The following ITPR2 variants were observed in gnomAD, a reference collection of about 807,000 sequenced individuals.
ITPR2 encodes the protein inositol 1,4,5-trisphosphate-gated calcium channel ITPR2.
In ITPR2, 207 loss-of-function variants were observed where a neutral mutation model predicts 317.1. The observed-to-expected ratio is 0.65, with a 90% confidence interval of 0.58 to 0.73. The LOEUF is 0.73. ITPR2 is among the 30% of genes least tolerant of loss of function. The probability of loss-of-function intolerance (pLI) is 0.00; values close to 1 mark genes in which losing one functional copy is unlikely to be tolerated. For synonymous variants in ITPR2, 1,156 were observed against 1,149.1 expected, an observed-to-expected ratio of 1.01 and a Z score of -0.12; for missense variants, 2,613 against 3,284.0, an observed-to-expected ratio of 0.80 and a Z score of 4.99.
At chr12:26,373,758 A>C (rs887044055) in intron 55 of ITPR2, 31 of 152,222 alleles carry the variant, frequency 2.0e-4, no homozygotes, top group African/African-American at 7.5e-4. Context: ...TAAAGCAAAA[A>C]ATATGTGCTT....
chr12:26,458,490 T>A (rs546994206), intron 45 of ITPR2, among the ~76,000 whole-genome samples: 184 of 152,300 alleles, frequency 1.2e-3, no homozygotes, highest in African/African-American at 4.3e-3. Context: ...TGTCACCACC[T>A]GCACCCAAAG....
At chr12:26,766,417 A>AT (rs1370280898) in intron 2 of ITPR2, among the ~76,000 whole-genome samples, 2 of 151,454 alleles carry the variant, frequency 1.3e-5, no homozygotes, top group African/African-American at 4.9e-5. Context: ...ATTTTTACGT[A>AT]TTTTTTTGAG....
intron 46 of ITPR2, among the ~76,000 whole-genome samples, 192 bp from the exon 47 acceptor site, chr12:26,439,511 A>G (rs1941436745): frequency 6.6e-6 from 1 of 152,218 alleles, no homozygotes; most frequent in South Asian, 2.1e-4. Flanking sequence ...AGAGAAATTA[A>G]TTGACTAATA....
intron 2 of ITPR2, among the ~76,000 whole-genome samples, chr12:26,756,568 T>C (rs941527342): frequency 1.3e-5 from 2 of 152,236 alleles, no homozygotes; most frequent in Non-Finnish European, 2.9e-5. Context: ...TAAACACTTA[T>C]TAATCTTCCA....
At chr12:26,621,979 T>C (rs1946506565) in intron 25 of ITPR2, among the ~76,000 whole-genome samples, 1 of 152,226 alleles carries the variant, frequency 6.6e-6, no homozygotes, top group South Asian at 2.1e-4. Flanking sequence ...TCCTAACATG[T>C]TATTATCTCC....
chr12:26,586,011 T>C (rs991077329), intron 32 of ITPR2, among the ~76,000 whole-genome samples: 10 of 152,350 alleles, frequency 6.6e-5, no homozygotes, highest in African/African-American at 2.4e-4. Context: ...CTATAAATCA[T>C]GAATGTTTGG....
intron 39 of ITPR2, among the ~76,000 whole-genome samples, chr12:26,492,643 A>C (rs1357532538): frequency 2.6e-5 from 4 of 152,198 alleles, no homozygotes; most frequent in Non-Finnish European, 5.9e-5. Flanking sequence ...TGATAAGTGA[A>C]ATAGTGGAAT....
At chr12:26,789,623 T>C (rs1950310751) in intron 2 of ITPR2, among the ~76,000 whole-genome samples, 1 of 152,226 alleles carries the variant, frequency 6.6e-6, no homozygotes, top group Non-Finnish European at 1.5e-5. Context: ...AAGAGTTGAG[T>C]TATAATCAAT....
chr12:26,474,650 C>T (rs1190377418), intron 45 of ITPR2, among the ~76,000 whole-genome samples: 5 of 151,310 alleles, frequency 3.3e-5, no homozygotes, highest in South Asian at 2.1e-4. Context: ...AAAAATTAGC[C>T]GGGCGTAGTG....
At chr12:26,385,135 G>C (rs1357299639) in intron 55 of ITPR2, among the ~76,000 whole-genome samples, 2 of 152,100 alleles carry the variant, frequency 1.3e-5, no homozygotes, top group Non-Finnish European at 2.9e-5. Context: ...CAGGTTTCAA[G>C]ACTCATCCAT....
chr12:26,654,650 C>T (rs956019594), intron 20 of ITPR2, among the ~76,000 whole-genome samples: 7 of 152,134 alleles, frequency 4.6e-5, no homozygotes, highest in Admixed American at 4.6e-4. Context: ...TGACATGTCA[C>T]TTCCAAGATT....
At chr12:26,516,616 AT>A (rs1943527031) in intron 37 of ITPR2, among the ~76,000 whole-genome samples, 1 of 152,198 alleles carries the variant, frequency 6.6e-6, no homozygotes, top group Non-Finnish European at 1.5e-5. Context: ...TAAAATCATT[AT>A]AAAAAAATTT....
At chr12:26,499,642 T>A (rs1185132977) in intron 37 of ITPR2, among the ~76,000 whole-genome samples, 1 of 152,224 alleles carries the variant, frequency 6.6e-6, no homozygotes, top group Non-Finnish European at 1.5e-5. Context: ...AGTATTAATA[T>A]TATCCAGATC....
chr12:26,413,274 C>T (rs1204516269), intron 51 of ITPR2, among the ~76,000 whole-genome samples: 26 of 152,248 alleles, frequency 1.7e-4, no homozygotes, highest in Admixed American at 1.7e-3. Context: ...CCTCTATTCT[C>T]ACAGGGCCCT....
At chr12:26,465,695 G>T (rs1942155013) in intron 45 of ITPR2, among the ~76,000 whole-genome samples, 1 of 151,942 alleles carries the variant, frequency 6.6e-6, no homozygotes, top group African/African-American at 2.4e-5. Flanking sequence ...CCTCAGATAC[G>T]CATTTTTCCT....
intron 47 of ITPR2, 92 bp from the exon 48 acceptor site, chr12:26,436,438 A>G: frequency 8.8e-7 from 1 of 1,141,542 alleles, no homozygotes; most frequent in Non-Finnish European, 1.2e-6. Flanking sequence ...TACTAAATGC[A>G]TCATTTTTGT....
At chr12:26,639,480 T>A (rs547706702) in intron 21 of ITPR2, among the ~76,000 whole-genome samples, 13 of 151,972 alleles carry the variant, frequency 8.6e-5, no homozygotes, top group South Asian at 2.1e-4. Flanking sequence ...CTTTTTTTTT[T>A]AAATTATACT....
At chr12:26,574,439 T>C (rs1447281133) in intron 34 of ITPR2, among the ~76,000 whole-genome samples, 1 of 152,154 alleles carries the variant, frequency 6.6e-6, no homozygotes, top group South Asian at 2.1e-4. Context: ...AAGCATACAG[T>C]CTAATCATCA....
chr12:26,351,013 T>A (rs1284026864), intron 55 of ITPR2, among the ~76,000 whole-genome samples: 1 of 152,060 alleles, frequency 6.6e-6, no homozygotes, highest in Non-Finnish European at 1.5e-5. Flanking sequence ...AAGGCTCAGA[T>A]CCAGTGGCAG....
Sources: allele counts gnomAD v4.1 joint callset (sites outside exome capture counted in the v4.1 genomes callset), GRCh38; gene constraint gnomAD v4.1.1; transcripts MANE v1.5; gene names NCBI Gene and HGNC (gene_info 2026-07-23, HGNC 2026-07-21).